Variants in ARFGEF2 observed in about 807,000 individuals in gnomAD.
ARFGEF2 encodes ARF guanine nucleotide exchange factor 2, also known as brefeldin A-inhibited guanine nucleotide-exchange protein 2.
In ARFGEF2, 74 loss-of-function variants were observed where a neutral mutation model predicts 219.9. The ratio of observed to expected loss-of-function variants is 0.34; its 90% CI spans 0.28 to 0.41. The LOEUF (loss-of-function observed/expected upper bound fraction) is 0.41, where lower values mean the gene tolerates loss of function less well. ARFGEF2 is among the 10% of genes least tolerant of loss of function. ARFGEF2 has a pLI of 1.00. For missense variants in ARFGEF2, 1,743 were observed against 2,218.3 expected (o/e 0.79, Z 4.30); for synonymous variants, 733 against 799.2 (o/e 0.92, Z 1.40).
chr20:49,027,078 TTTA>T (rs1366520666), intron 36 of ARFGEF2, among the ~76,000 whole-genome samples: 1 of 151,990 alleles, frequency 6.6e-6, no homozygotes, highest in East Asian at 1.9e-4. Flanking sequence ...TTCTTTTTTT[TTTA>T]TTATTTATTT....
intron 1 of ARFGEF2, among the ~76,000 whole-genome samples, chr20:48,940,476 C>A (rs6019544): frequency 6.6e-6 from 1 of 151,812 alleles, no homozygotes; most frequent in Non-Finnish European, 1.5e-5. Context: ...TTGTTATATT[C>A]GTTTCCAGTC....
At chr20:48,990,044 T>G (rs1467337931) in intron 20 of ARFGEF2, among the ~76,000 whole-genome samples, 1 of 152,100 alleles carries the variant, frequency 6.6e-6, no homozygotes, top group East Asian at 1.9e-4. Context: ...CCGGGTGTGG[T>G]GGTACATGCC....
intron 1 of ARFGEF2, 35 bp downstream of exon 1, chr20:48,922,045 C>G: frequency 6.4e-7 from 1 of 1,561,888 alleles, no homozygotes; most frequent in Non-Finnish European, 8.7e-7. Flanking sequence ...CCCGCGCTGG[C>G]CTCAGCACGT....
At position 48,991,040 on chromosome 20, in the gene ARFGEF2, C is replaced by T. The variant is rs1256087590; in HGVS notation, c.2815C>T (p.Leu939=). Residue 939 remains leucine, a splice_region_variant and synonymous_variant, in exon 21 of 39, where the codon CTG becomes TTG. Coordinates refer to ENST00000371917, the MANE Select transcript of ARFGEF2 (RefSeq NM_006420.3). ...IRIACIFGMQ[L]ERDAYVQALA... Reference sequence around the variant, plus strand: ...GTTCTCTCTTGGGTTTCTGTTACAGCTGGAACGAGATGCCTATGTTCAGGC... The same window carrying T: ...GTTCTCTCTTGGGTTTCTGTTACAGTTGGAACGAGATGCCTATGTTCAGGC... 2 of 1,613,850 alleles carry T rather than the reference C, an allele frequency of 1.2e-6. No homozygotes were observed. Among genetic ancestry groups the T allele is most frequent in the Non-Finnish European group, 1.7e-6 (2 of 1,179,878 alleles).
chr20:48,938,984 T>G (rs552738500), intron 1 of ARFGEF2, among the ~76,000 whole-genome samples: 101 of 150,690 alleles, frequency 6.7e-4, no homozygotes, highest in Non-Finnish European at 9.2e-4. Flanking sequence ...TTGTTTGTTT[T>G]TTTTTTTTTT....
In ARFGEF2 at chr20:49,011,479, C is replaced by T. The variant is rs541077033; in HGVS notation, c.3758-445C>T. Among the ~76,000 whole-genome samples the T allele has an allele frequency of 2.0e-5, 3 of 152,260 alleles. No individual in the cohort carries two copies. In the South Asian group the frequency reaches 6.2e-4, roughly 32 times the overall value. On this transcript the variant is annotated intron_variant, in intron 27 of 38. Transcript: ENST00000371917. ...CAACTTGCCTGAGGACACACAGTTT[C>T]GATGTAGTGGAACCAGGACTTGCAC...
chr20:48,987,092 C>T (rs575949540), intron 16 of ARFGEF2, among the ~76,000 whole-genome samples: 1 of 152,292 alleles, frequency 6.6e-6, no homozygotes, highest in Admixed American at 6.5e-5. Flanking sequence ...GGCAGGCTGT[C>T]CCCAGGAGGT....
chr20:48,921,859 CG>C lies in ARFGEF2; in HGVS notation c.-27del. 6.6e-7 allele frequency: 1 copy of C among 1,504,784 alleles called. No individual in the cohort carries two copies. The highest frequency in any genetic ancestry group is 1.5e-5 in the African/African-American group (1 of 68,376). 93.2% of individuals were successfully genotyped at this position (1,504,784 alleles called of 1,614,324 possible). ...CCATCTCGCTCACGCCGCCCGCCCG[CG>C]GGGCCGTCAGCCCCCGCCGGGCCGG... On this transcript the variant is annotated 5_prime_UTR_variant, in exon 1 of 39. Coordinates refer to ENST00000371917, the MANE Select transcript of ARFGEF2 (RefSeq NM_006420.3).
At chr20:48,955,674 A>G (rs926927206) in intron 6 of ARFGEF2, among the ~76,000 whole-genome samples, 1 of 152,242 alleles carries the variant, frequency 6.6e-6, no homozygotes, top group African/African-American at 2.4e-5. Flanking sequence ...TACTTGGTGC[A>G]TCCTGTGAGA....
At chr20:48,997,265 TATTGATTG>T (rs11471982) in intron 23 of ARFGEF2, among the ~76,000 whole-genome samples, 17 of 150,830 alleles carry the variant, frequency 1.1e-4, no homozygotes, top group African/African-American at 2.9e-4. Flanking sequence ...ATATCTTATG[TATTGATTG>T]ATTGATTGAT....
chr20:48,948,378 C>G (rs1161324645), intron 3 of ARFGEF2, among the ~76,000 whole-genome samples: 1 of 152,194 alleles, frequency 6.6e-6, no homozygotes, highest in Non-Finnish European at 1.5e-5. Context: ...ATCTCTCGCT[C>G]CCCTGTACAG....
intron 36 of ARFGEF2, among the ~76,000 whole-genome samples, chr20:49,028,103 C>CA (rs1288693064): frequency 2.0e-5 from 3 of 152,120 alleles, no homozygotes; most frequent in African/African-American, 7.2e-5. Context: ...ACTAAAAATA[C>CA]AAAAATTAGC....
intron 1 of ARFGEF2, among the ~76,000 whole-genome samples, chr20:48,923,829 A>G (rs1259504757): frequency 6.6e-6 from 1 of 152,262 alleles, no homozygotes; most frequent in Non-Finnish European, 1.5e-5. Flanking sequence ...CATCTGGGTC[A>G]TGAAGGGCCA....
rs756429771 is a variant in ARFGEF2, at chr20:48,952,902, C to T, written c.603+18C>T. 3.7e-5 allele frequency: 59 copies of T among 1,612,538 alleles called. No individual in the cohort carries two copies. Among genetic ancestry groups the T allele is most frequent in the South Asian group, 2.7e-4 (25 of 91,056 alleles). ...ACCAAGTGGTGAGTGACAGCACTTACGTGCTAGGGGCAAGACATCATTGCT... is the reference window on the plus strand; with the variant it reads ...ACCAAGTGGTGAGTGACAGCACTTATGTGCTAGGGGCAAGACATCATTGCT... On this transcript the variant is annotated intron_variant, in intron 5 of 38. Coordinates refer to ENST00000371917, the MANE Select transcript of ARFGEF2 (RefSeq NM_006420.3).
intron 6 of ARFGEF2, among the ~76,000 whole-genome samples, chr20:48,962,556 A>G (rs1171610288): frequency 6.6e-6 from 1 of 152,224 alleles, no homozygotes; most frequent in Non-Finnish European, 1.5e-5. Flanking sequence ...GAGAATGACT[A>G]AAGTTTGAGT....
intron 3 of ARFGEF2, among the ~76,000 whole-genome samples, chr20:48,944,652 G>A (rs1041377100): frequency 2.6e-5 from 4 of 152,084 alleles, no homozygotes; most frequent in African/African-American, 9.7e-5. Context: ...TTTTTGTAGA[G>A]ACAGGGTTTC....
chr20:48,969,440 G>C (rs1394171295), intron 9 of ARFGEF2, among the ~76,000 whole-genome samples, 163 bp downstream of exon 9: 1 of 152,206 alleles, frequency 6.6e-6, no homozygotes, highest in South Asian at 2.1e-4. Context: ...GCAGTCTCTA[G>C]AGTCCTTTCA....
intron 1 of ARFGEF2, among the ~76,000 whole-genome samples, chr20:48,928,409 A>G (rs1432355047): frequency 5.5e-5 from 8 of 146,490 alleles, no homozygotes; most frequent in Non-Finnish European, 1.2e-4. Flanking sequence ...CGTGTTAGCC[A>G]GGATGGTCTC....
intron 1 of ARFGEF2, among the ~76,000 whole-genome samples, chr20:48,934,288 C>T (rs2090932927): frequency 6.6e-6 from 1 of 152,036 alleles, no homozygotes; most frequent in African/African-American, 2.4e-5. Flanking sequence ...ATCTGTGAGG[C>T]ACCCTGCCAC....
Sources: allele counts gnomAD v4.1 joint callset (sites outside exome capture counted in the v4.1 genomes callset), GRCh38; gene constraint gnomAD v4.1.1; transcripts MANE v1.5; gene names NCBI Gene and HGNC (gene_info 2026-07-23, HGNC 2026-07-21).